FER1L5: variants seen among roughly 807,000 people sequenced by gnomAD.
The protein encoded by FER1L5 is fer-1 like family member 5, also known as fer-1-like protein 5.
In FER1L5, 187 loss-of-function variants were observed where a neutral mutation model predicts 279.9. The observed-to-expected ratio is 0.67, with a 90% CI of 0.59 to 0.75. The LOEUF (loss-of-function observed/expected upper bound fraction) is 0.75. Among genes scored for constraint, FER1L5 ranks in the 30% least tolerant of loss-of-function variants. The probability of loss-of-function intolerance (pLI) is 0.00; values close to 1 mark genes in which losing one functional copy is unlikely to be tolerated. For synonymous variants in FER1L5, 921 were observed against 989.7 expected (o/e 0.93, Z 1.30); for missense variants, 2,091 against 2,594.4 (o/e 0.81, Z 4.21).
Position 96,691,386 on chromosome 2 carries a change from G to A in FER1L5, c.2907+33G>A. On this transcript the variant is annotated intron_variant, in intron 28 of 52. Coordinates refer to ENST00000624922, the MANE Select transcript of FER1L5 (RefSeq NM_001293083.2). This position sits in a 1 kb window ranked among gnomAD's most constrained non-coding sequence, Gnocchi z 6.0. ...GTCGACGGGCGCCCTGGCTGGGACT[G>A]CGGGCAGGGCCGCCTTGGCTGCTGC... The A allele has an allele frequency of 6.5e-7, 1 of 1,540,576 alleles. No homozygotes were observed.
intron 51 of FER1L5, 105 bp downstream of exon 51, chr2:96,703,737 C>T: frequency 1.1e-6 from 1 of 950,614 alleles, no homozygotes. Context: ...ACCTCCCACC[C>T]CACAGCTCTG....
chr2:96,659,358 C>CTTCCTTCCTTCCTTCTTTCT (rs2075779229), intron 9 of FER1L5, among the ~76,000 whole-genome samples: 4 of 60,580 alleles, frequency 6.6e-5, no homozygotes, highest in East Asian at 7.4e-4. Flanking sequence ...TCCTTCCTTC[C>CTTCCTTCCTTCCTTCTTTCT]TTCCTTCTTT....
rs1356403605 is a variant in FER1L5 at position 96,692,117 on chromosome 2, C to A, written c.3228C>A (p.Tyr1076Ter). Reference sequence around the variant, plus strand: ...CTCTTTCCCCAGAGCCCCACTACTACCAGCTCTTCTGCTACATCTACCAGG... The same window carrying A: ...CTCTTTCCCCAGAGCCCCACTACTAACAGCTCTTCTGCTACATCTACCAGG... The part of the protein sequence containing the change: ...IYCTFNKPHY[Y>*]QLFCYIYQAR... Residue 1076 changes from tyrosine to a stop codon, truncating the protein, a stop_gained, in exon 31 of 53, where the codon TAC becomes TAA. Transcript: ENST00000624922. LOFTEE classifies it high-confidence loss of function. 2.6e-6 allele frequency: 4 copies of A among 1,551,592 alleles called. No homozygotes were observed. The highest frequency in any genetic ancestry group is 3.5e-6 in the Non-Finnish European group (4 of 1,146,928).
chr2:96,691,510 C>T lies in FER1L5; in HGVS notation c.2973C>T (p.Asn991=). ...YDTFGSKFHL[N]PQPQSRFRRR... is the part of the protein sequence containing the mutation. ...CCTTCGGCTCCAAGTTCCACCTCAA[C>T]CCTCAGCCCCAGAGCCGGTTCCGCC... The change falls in exon 29 of 53, where the codon AAC becomes AAT. Residue 991 remains asparagine (N), a synonymous_variant. Coordinates refer to ENST00000624922, the MANE Select transcript of FER1L5 (RefSeq NM_001293083.2). This position sits in a 1 kb window ranked among gnomAD's most constrained non-coding sequence, Gnocchi z 6.0. 3 of 1,550,390 alleles carry T rather than the reference C, an allele frequency of 1.9e-6. No homozygotes were observed. The highest frequency in any genetic ancestry group is 2.6e-6 in the Non-Finnish European group (3 of 1,146,614).
intron 18 of FER1L5, among the ~76,000 whole-genome samples, chr2:96,671,398 C>A (rs887088885): frequency 1.3e-5 from 2 of 152,154 alleles, no homozygotes; most frequent in Admixed American, 1.3e-4. Flanking sequence ...AACAGAATGG[C>A]CAGAGCCAGT....
intron 14 of FER1L5, among the ~76,000 whole-genome samples, chr2:96,664,047 T>C (rs951603655): frequency 1.3e-5 from 2 of 151,374 alleles, no homozygotes; most frequent in Non-Finnish European, 2.9e-5. Flanking sequence ...AAGTAGGTGA[T>C]AACAACCTGT....
rs1313141900 is a variant in FER1L5 at position 96,689,243 on chromosome 2, T to A, written c.2392T>A (p.Trp798Arg). ...GAATCAGGCCAAGTATAAAGACCAG[T>A]GGGGGCAGCAGGGGCTGTATCACTG... Reference protein sequence around the residue: ...YENQAKYKDQWGQQGLYHCPN... With the variant: ...YENQAKYKDQRGQQGLYHCPN... Residue 798 changes from tryptophan (W) to arginine (R), a missense_variant, in exon 25 of 53, where the codon TGG (tryptophan) becomes AGG (arginine). Physicochemically the swap from Trp to Arg is moderately radical, Grantham distance 101. Transcript: ENST00000624922. This position sits in a 1 kb window ranked among gnomAD's most constrained non-coding sequence, Gnocchi z 4.6. 6.5e-7 allele frequency: 1 copy of A among 1,550,306 alleles called. No homozygotes were observed. Among genetic ancestry groups the A allele is most frequent in the African/African-American group, 1.4e-5 (1 of 72,940 alleles).
Position 96,704,636 on chromosome 2 carries a change from G to A in FER1L5, c.6118G>A (p.Gly2040Arg). ...AGACCATGAGTGGAAACTCCACCCA[G>A]GACCCACAAATCACCTGAGTGATAT... ...TIDHEWKLHP[G>R]PTNHLSDIFP... The change falls in exon 53 of 53, where the codon GGA (glycine) becomes AGA (arginine). Residue 2040 changes from glycine to arginine, a missense_variant. Physicochemically the swap from Gly to Arg is moderately radical, Grantham distance 125. Coordinates refer to ENST00000624922, the MANE Select transcript of FER1L5 (RefSeq NM_001293083.2). 6.2e-7 allele frequency: 1 copy of A among 1,613,968 alleles called. No homozygotes were observed. The highest frequency in any genetic ancestry group is 8.5e-7 in the Non-Finnish European group (1 of 1,179,894).
In FER1L5 at chr2:96,702,539, G is replaced by C. The variant is rs2077624282; in HGVS notation, c.5256-61G>C. 2 of 1,551,204 alleles carry C rather than the reference G, an allele frequency of 1.3e-6. No individual in the cohort carries two copies. Among genetic ancestry groups the C allele is most frequent in the Admixed American group, 2.0e-5 (1 of 51,036 alleles). On this transcript the variant is annotated intron_variant, in intron 47 of 52. Coordinates refer to ENST00000624922, the MANE Select transcript of FER1L5 (RefSeq NM_001293083.2). The surrounding 1 kb of genome is among the most constrained non-coding windows in gnomAD (Gnocchi z 4.0). Reference sequence around the variant, plus strand: ...TCGGCTGGGCAGCCCTTCCCATGGGGCTCCAGCTGGGGGATGGGGCCAATG... The same window carrying C: ...TCGGCTGGGCAGCCCTTCCCATGGGCCTCCAGCTGGGGGATGGGGCCAATG...
At chr2:96,658,160 G>T (rs2075674000) in intron 9 of FER1L5, among the ~76,000 whole-genome samples, 1 of 151,746 alleles carries the variant, frequency 6.6e-6, no homozygotes, top group Admixed American at 6.6e-5. Flanking sequence ...GGGATTACAG[G>T]CACCTGCTAC....
chr2:96,678,581 C>G (rs1352553497), intron 19 of FER1L5, among the ~76,000 whole-genome samples: 3 of 151,952 alleles, frequency 2.0e-5, no homozygotes, highest in Admixed American at 2.0e-4. Context: ...TACAGGCACG[C>G]ACCACCACAC....
At chr2:96,677,853 G>A (rs990853161) in intron 19 of FER1L5, among the ~76,000 whole-genome samples, 25 of 146,314 alleles carry the variant, frequency 1.7e-4, no homozygotes, top group Non-Finnish European at 2.7e-4. Flanking sequence ...CAACAAGAGC[G>A]AAACTCCGTC....
In FER1L5 at chr2:96,689,853, G is replaced by A; in HGVS notation, c.2640+95G>A. ...GGGGGTCCCAGTGGAAAGGGTCTGA[G>A]CCCTATGCCCTGCACTATGTGTGGG... On this transcript the variant is annotated intron_variant, in intron 26 of 52. Coordinates refer to ENST00000624922, the MANE Select transcript of FER1L5 (RefSeq NM_001293083.2). The surrounding 1 kb of genome is among the most constrained non-coding windows in gnomAD (Gnocchi z 4.6). 9.3e-7 allele frequency: 1 copy of A among 1,070,490 alleles called. No individual in the cohort carries two copies. The highest frequency in any genetic ancestry group is 1.6e-5 in the South Asian group (1 of 60,980). 66.3% of individuals were successfully genotyped at this position (1,070,490 alleles called of 1,614,324 possible). A position where few individuals can be genotyped will look rare whatever the true frequency, so the allele number is the denominator to read the frequency against.
intron 9 of FER1L5, among the ~76,000 whole-genome samples, chr2:96,659,411 T>TTCCTTTCTTTCTTTCTTTCTTTCTG (rs1558854152): frequency 6.4e-4 from 4 of 6,262 alleles, no homozygotes; most frequent in Non-Finnish European, 1.1e-3. Flanking sequence ...CTTTCTTTCT[T>TTCCTTTCTTTCTTTCTTTCTTTCTG]TCTTTCTTTC....
intron 45 of FER1L5, 87 bp downstream of exon 45, chr2:96,700,558 AC>A (rs2077554106): frequency 8.3e-6 from 13 of 1,571,166 alleles, no homozygotes; most frequent in Non-Finnish European, 1.1e-5. Context: ...GACATAGTCC[AC>A]GAGAGGAGAA....
At chr2:96,692,020 G>T (rs948256014) in intron 30 of FER1L5, 57 bp downstream of exon 30, 3 of 386,684 alleles carry the variant, frequency 7.8e-6, no homozygotes, top group Admixed American at 6.6e-5. Flanking sequence ...ACCCGAGGGC[G>T]GGGGGGGGGG....
chr2:96,704,243 C>G lies in FER1L5; in HGVS notation c.5830C>G (p.Arg1944Gly). 6.2e-7 allele frequency: 1 copy of G among 1,614,008 alleles called. No individual in the cohort carries two copies. The highest frequency in any genetic ancestry group is 8.5e-7 in the Non-Finnish European group (1 of 1,179,894). Residue 1944 changes from arginine (R) to glycine (G), a missense_variant, in exon 52 of 53, where the codon CGG becomes GGG. Arg to Gly is a moderately radical substitution (Grantham distance 125, BLOSUM62 -2). Coordinates refer to ENST00000624922, the MANE Select transcript of FER1L5 (RefSeq NM_001293083.2). ...CACCAACACCTCTTTCACGTGGCTG[C>G]GGTCACCAGTTCAAAACTTCTGCTA... The part of the protein sequence containing the change: ...LRTNTSFTWL[R>G]SPVQNFCYIF...
intron 44 of FER1L5, 50 bp from the exon 45 acceptor site, chr2:96,700,281 AG>A: frequency 6.2e-7 from 1 of 1,605,938 alleles, no homozygotes; most frequent in South Asian, 1.1e-5. Context: ...CCTAGGAGAT[AG>A]GAAGGCTAAT....
chr2:96,685,791 C>A, intron 21 of FER1L5, 149 bp from the exon 22 acceptor site: 1 of 956,416 alleles, frequency 1.0e-6, no homozygotes, highest in Non-Finnish European at 1.5e-6. Flanking sequence ...TCCTATGGAG[C>A]AGTGGGAAGG....
Sources: allele counts gnomAD v4.1 joint callset (sites outside exome capture counted in the v4.1 genomes callset), GRCh38; gene constraint gnomAD v4.1.1; non-coding constraint Gnocchi (gnomAD v3.1); transcripts MANE v1.5; gene names NCBI Gene and HGNC (gene_info 2026-07-23, HGNC 2026-07-21).